UCK2: variants seen among roughly 807,000 people sequenced by gnomAD.
The protein encoded by UCK2 is uridine-cytidine kinase 2.
Under a neutral mutation model 30.8 loss-of-function variants are expected in UCK2, and 6 were observed. That is an observed-to-expected ratio of 0.19 (90% CI 0.11 to 0.38). The LOEUF (loss-of-function observed/expected upper bound fraction) is 0.38. UCK2 is among the 10% of genes least tolerant of loss of function. The pLI, the probability that UCK2 is intolerant of heterozygous loss-of-function variation, is 1.00. For missense variants in UCK2, 210 were observed against 339.8 expected (o/e 0.62, Z 3.00); for synonymous variants, 125 against 133.6 (o/e 0.94, Z 0.45).
chr1:165,833,870 C>T (rs572024388), intron 1 of UCK2, among the ~76,000 whole-genome samples: 141 of 152,058 alleles, frequency 9.3e-4, no homozygotes, highest in Middle Eastern at 3.4e-3. Flanking sequence ...CCATTTCAGT[C>T]ATTAAGCTGA....
intron 1 of UCK2, among the ~76,000 whole-genome samples, chr1:165,851,119 A>C (rs1421416218): frequency 6.6e-6 from 1 of 151,944 alleles, no homozygotes; most frequent in African/African-American, 2.4e-5. Flanking sequence ...GGGAAGGCAG[A>C]CTGGAGATTC....
At position 165,909,296 on chromosome 1, in the gene UCK2, T is replaced by C. The variant is rs1388014220; in HGVS notation, c.*1473T>C. 6.6e-6 allele frequency: 1 copy of C among 152,190 alleles called. No homozygotes were observed. Among genetic ancestry groups the C allele is most frequent in the East Asian group, 1.9e-4 (1 of 5,188 alleles). The allele number at this position is 152,190 out of a possible 1,614,324, so 9.4% of individuals were successfully genotyped here. On this transcript the variant is annotated 3_prime_UTR_variant, in exon 7 of 7. Coordinates refer to ENST00000367879, the MANE Select transcript of UCK2 (RefSeq NM_012474.5). The stretch of plus-strand genomic sequence containing the variant: ...TTTCTGACTGCAGAAGAGCCAGAGA[T>C]GTTCATTTCATTGTTGACCACCCTA...
At chr1:165,866,445 A>G (rs1280261892) in intron 1 of UCK2, among the ~76,000 whole-genome samples, 1 of 152,204 alleles carries the variant, frequency 6.6e-6, no homozygotes, top group African/African-American at 2.4e-5. Context: ...ACAGATTGAT[A>G]ACATAAGATC....
chr1:165,907,825 C>A lies in UCK2; in HGVS notation c.*2C>A, dbSNP rs1647721860. The A allele has an allele frequency of 6.2e-7, 1 of 1,613,776 alleles. No individual in the cohort carries two copies. The highest frequency in any genetic ancestry group is 1.3e-5 in the African/African-American group (1 of 74,932). On this transcript the variant is annotated 3_prime_UTR_variant, in exon 7 of 7. Coordinates refer to ENST00000367879, the MANE Select transcript of UCK2 (RefSeq NM_012474.5). ...GAGTCCAGCAGCAGGCCGCATTGAC[C>A]CGTCTCCATCGGACCCCAGCCCCTA...
chr1:165,847,637 A>G (rs188967045), intron 1 of UCK2, among the ~76,000 whole-genome samples: 15 of 152,206 alleles, frequency 9.9e-5, no homozygotes, highest in Non-Finnish European at 2.1e-4. Flanking sequence ...GGATCTCACT[A>G]TGTTTCCCAG....
intron 1 of UCK2, among the ~76,000 whole-genome samples, chr1:165,846,418 A>G (rs1430409273): frequency 1.3e-5 from 2 of 152,194 alleles, no homozygotes; most frequent in Non-Finnish European, 2.9e-5. Context: ...AACTGTGCTG[A>G]TAAGAAAAAA....
chr1:165,844,139 G>A (rs1471763420), intron 1 of UCK2, among the ~76,000 whole-genome samples: 2 of 152,166 alleles, frequency 1.3e-5, no homozygotes, highest in Non-Finnish European at 2.9e-5. Flanking sequence ...AGAGTGCCAG[G>A]TGGGGCTGGC....
intron 1 of UCK2, among the ~76,000 whole-genome samples, chr1:165,851,245 A>G (rs949381224): frequency 6.6e-6 from 1 of 152,120 alleles, no homozygotes; most frequent in Non-Finnish European, 1.5e-5. Context: ...TGAAAGGCAC[A>G]TTGTCATGAT....
intron 1 of UCK2, among the ~76,000 whole-genome samples, chr1:165,872,795 T>C (rs1474973093): frequency 6.6e-6 from 1 of 152,216 alleles, no homozygotes; most frequent in Non-Finnish European, 1.5e-5. Context: ...GTGTCTGTGT[T>C]TGAAAAAAAT....
chr1:165,861,247 C>G (rs76230823), intron 1 of UCK2, among the ~76,000 whole-genome samples: 3 of 152,098 alleles, frequency 2.0e-5, no homozygotes, highest in African/African-American at 7.2e-5. Context: ...GCTATTGATA[C>G]GTGGATTAAG....
chr1:165,880,566 G>GGTGTGT (rs869079437), intron 1 of UCK2, among the ~76,000 whole-genome samples: 1 of 19,308 alleles, frequency 5.2e-5, no homozygotes, highest in East Asian at 6.0e-4. Flanking sequence ...TTTTTTTGGG[G>GGTGTGT]GTGTGTGTGT....
chr1:165,871,825 C>A (rs1316645073), intron 1 of UCK2, among the ~76,000 whole-genome samples: 1 of 152,158 alleles, frequency 6.6e-6, no homozygotes, highest in Non-Finnish European at 1.5e-5. Context: ...TAAAGAATTT[C>A]TTTGCAAAAC....
chr1:165,868,613 T>G (rs1571281521), intron 1 of UCK2, among the ~76,000 whole-genome samples: 1 of 152,320 alleles, frequency 6.6e-6, no homozygotes. Flanking sequence ...CTTCAAACTT[T>G]TCTTGTGTGG....
intron 6 of UCK2, among the ~76,000 whole-genome samples, chr1:165,906,363 A>G (rs73031473): frequency 0.064 from 9,763 of 152,128 alleles, 1,037 homozygotes; most frequent in African/African-American, 0.22. Context: ...GGTTGCTACC[A>G]TTATTGTACT....
At chr1:165,831,615 A>G (rs1362726008) in intron 1 of UCK2, among the ~76,000 whole-genome samples, 2 of 152,206 alleles carry the variant, frequency 1.3e-5, no homozygotes, top group Non-Finnish European at 2.9e-5. Flanking sequence ...CACTGCCATC[A>G]GAGTGGTCTT....
rs1315939233 is a variant in UCK2 at position 165,909,246 on chromosome 1, C to A, written c.*1423C>A. On this transcript the variant is annotated 3_prime_UTR_variant, in exon 7 of 7. Transcript: ENST00000367879. ...GAGCCCAAGTGAGCCTGAAGGAGTT[C>A]TGATTATAGAGTCCCGAGCCTCAGT... 1 of 152,056 alleles carries A rather than the reference C, an allele frequency of 6.6e-6. No individual in the cohort carries two copies. Among genetic ancestry groups the A allele is most frequent in the East Asian group, 1.9e-4 (1 of 5,170 alleles). 9.4% of individuals were successfully genotyped at this position (152,056 alleles called of 1,614,324 possible). A position where few individuals can be genotyped will look rare whatever the true frequency, so the allele number is the denominator to read the frequency against.
intron 1 of UCK2, among the ~76,000 whole-genome samples, chr1:165,883,160 A>G (rs976633420): frequency 1.3e-5 from 2 of 152,100 alleles, no homozygotes; most frequent in Non-Finnish European, 2.9e-5. Flanking sequence ...TTGGGCTTTT[A>G]TTTAGCTGCT....
At chr1:165,829,430 C>G (rs181139839) in intron 1 of UCK2, among the ~76,000 whole-genome samples, 61 of 152,302 alleles carry the variant, frequency 4.0e-4, no homozygotes, top group Non-Finnish European at 7.6e-4. Flanking sequence ...TGTTGTTGTT[C>G]ATGGCTGTTT....
chr1:165,852,966 C>T (rs1654635326), intron 1 of UCK2, among the ~76,000 whole-genome samples: 1 of 152,174 alleles, frequency 6.6e-6, no homozygotes, highest in Non-Finnish European at 1.5e-5. Context: ...CCAAGTTTAT[C>T]CCTCTCTTGG....
Sources: allele counts gnomAD v4.1 joint callset (sites outside exome capture counted in the v4.1 genomes callset), GRCh38; gene constraint gnomAD v4.1.1; transcripts MANE v1.5; gene names NCBI Gene and HGNC (gene_info 2026-07-23, HGNC 2026-07-21).